WNT2B: variants seen among roughly 807,000 people sequenced by gnomAD.
WNT2B encodes Wnt family member 2B, also known as protein Wnt-2b.
A neutral mutation model predicts 40.5 loss-of-function variants in WNT2B; 19 were observed. The observed-to-expected ratio is 0.47, with a 90% CI of 0.33 to 0.69. The LOEUF is 0.69. WNT2B is among the 30% of genes least tolerant of loss of function. The probability of loss-of-function intolerance (pLI) is 0.02; values close to 1 mark genes in which losing one functional copy is unlikely to be tolerated. For synonymous variants in WNT2B, 220 were observed against 211.9 expected (o/e 1.04, Z -0.33); for missense variants, 467 against 556.4 (o/e 0.84, Z 1.62).
chr1:112,509,053 G>C lies in WNT2B; in HGVS notation c.-210G>C, dbSNP rs1652236474. ...GCAGCGCGCCCCAGACCCCGGGTTC[G>C]GCACGCCGTCGTCGGCTTCCGGACA... On this transcript the variant is annotated 5_prime_UTR_variant, in exon 1 of 5. Transcript: ENST00000369684. This position sits in a 1 kb window ranked among gnomAD's most constrained non-coding sequence, Gnocchi z 4.2. 5 of 1,354,262 alleles carry C rather than the reference G, an allele frequency of 3.7e-6. No homozygotes were observed. Among genetic ancestry groups the C allele is most frequent in the Admixed American group, 7.9e-5 (2 of 25,442 alleles). The allele number at this position is 1,354,262 out of a possible 1,614,324, so 83.9% of individuals were successfully genotyped here. A position where few individuals can be genotyped will look rare whatever the true frequency, so the allele number is the denominator to read the frequency against.
chr1:112,524,655 G>A lies in WNT2B; in HGVS notation c.*4146G>A, dbSNP rs1028706375. 1.3e-5 allele frequency: 2 copies of A among 152,536 alleles called. No individual in the cohort carries two copies. The highest frequency in any genetic ancestry group is 2.4e-5 in the African/African-American group (1 of 41,398). The allele number at this position is 152,536 out of a possible 1,614,324, so 9.4% of individuals were successfully genotyped here. On this transcript the variant is annotated 3_prime_UTR_variant, in exon 5 of 5. Coordinates refer to ENST00000369684, the MANE Select transcript of WNT2B (RefSeq NM_024494.3). The stretch of plus-strand genomic sequence containing the variant: ...CCACTTGGGAACTGCCTGCTACTAC[G>A]GGGGTTGGGCATCTTTGAAGCAATG...
chr1:112,497,621 C>T (rs927044044), intron 1 of WNT2B, among the ~76,000 whole-genome samples: 1 of 152,192 alleles, frequency 6.6e-6, no homozygotes, highest in Admixed American at 6.5e-5. Flanking sequence ...GTCATTCTCC[C>T]ATTGTCTTGA....
At position 112,523,696 on chromosome 1, in the gene WNT2B, A is replaced by T. The variant is rs748140274; in HGVS notation, c.*3187A>T. 5 of 152,108 alleles carry T rather than the reference A, an allele frequency of 3.3e-5. No homozygotes were observed. The highest frequency in any genetic ancestry group is 4.8e-5 in the African/African-American group (2 of 41,418). The allele number at this position is 152,108 out of a possible 1,614,324, so 9.4% of individuals were successfully genotyped here. ...CTTCCATTCCTTCCTGTTGGTACTC[A>T]TTTCTTCTAACTTTTAATAAACATT... On this transcript the variant is annotated 3_prime_UTR_variant, in exon 5 of 5. Transcript: ENST00000369684.
intron 1 of WNT2B, among the ~76,000 whole-genome samples, chr1:112,474,743 T>A (rs1651004202): frequency 6.6e-6 from 1 of 152,216 alleles, no homozygotes; most frequent in Non-Finnish European, 1.5e-5. Context: ...CGAATTGTGA[T>A]CTCCAATGTT....
At chr1:112,495,725 A>G (rs1340491639) in intron 1 of WNT2B, among the ~76,000 whole-genome samples, 3 of 152,266 alleles carry the variant, frequency 2.0e-5, no homozygotes, top group African/African-American at 4.8e-5. Flanking sequence ...ATAAGAAATC[A>G]AATATAAACA....
chr1:112,500,600 T>C (rs1162100462), intron 1 of WNT2B, among the ~76,000 whole-genome samples: 2 of 150,718 alleles, frequency 1.3e-5, no homozygotes, highest in Non-Finnish European at 3.0e-5. Context: ...TGAGACCCCG[T>C]CACTAAAAAA....
chr1:112,499,695 A>G (rs1651887638), intron 1 of WNT2B, among the ~76,000 whole-genome samples: 1 of 152,222 alleles, frequency 6.6e-6, no homozygotes, highest in Non-Finnish European at 1.5e-5. Flanking sequence ...TTTAATGTCA[A>G]ACTTACTAAA....
Position 112,509,498 on chromosome 1 carries a change from G to A in WNT2B, c.182+54G>A. The A allele has an allele frequency of 1.3e-6, 2 of 1,507,222 alleles. No homozygotes were observed. The highest frequency in any genetic ancestry group is 8.7e-7 in the Non-Finnish European group (1 of 1,145,616). The allele number at this position is 1,507,222 out of a possible 1,614,324, so 93.4% of individuals were successfully genotyped here. The stretch of plus-strand genomic sequence containing the variant: ...GAGGCGCTTGGTAGGAGAGGCCGGA[G>A]GCGCCTGGAGGGACTGGCTGCTCAC... On this transcript the variant is annotated intron_variant, in intron 1 of 4. Coordinates refer to ENST00000369684, the MANE Select transcript of WNT2B (RefSeq NM_024494.3). This position sits in a 1 kb window ranked among gnomAD's most constrained non-coding sequence, Gnocchi z 4.2.
Position 112,517,315 on chromosome 1 carries a change from C to T in WNT2B, c.876C>T (p.Arg292=), listed in dbSNP as rs750183746. 22 of 1,614,074 alleles carry T rather than the reference C, an allele frequency of 1.4e-5. No homozygotes were observed. Among genetic ancestry groups the T allele is most frequent in the Non-Finnish European group, 1.8e-5 (21 of 1,180,016 alleles). ...TCACCGCAGCCCGCCAAGGCTATCG[C>T]CGTGCCACCCGGACTGATCTTGTCT... ...ANFTAARQGY[R]RATRTDLVYF... The change falls in exon 4 of 5, where the codon CGC becomes CGT. Residue 292 remains arginine, a synonymous_variant. Transcript: ENST00000369684.
At chr1:112,473,707 T>A (rs1650962392) in intron 1 of WNT2B, among the ~76,000 whole-genome samples, 1 of 151,176 alleles carries the variant, frequency 6.6e-6, no homozygotes, top group African/African-American at 2.4e-5. Context: ...AATTCACAGA[T>A]ACAAAAAAAG....
chr1:112,517,096 C>A, intron 3 of WNT2B, 25 bp from the exon 4 acceptor site: 1 of 1,601,942 alleles, frequency 6.2e-7, no homozygotes, highest in South Asian at 1.1e-5. Context: ...CTACTTCTCC[C>A]TTAACTGCCT....
rs1182765072 is a variant in WNT2B, at chr1:112,515,597, G to A, written c.403+503G>A. Among the ~76,000 whole-genome samples, 1 of 152,222 alleles carries A rather than the reference G, an allele frequency of 6.6e-6. No homozygotes were observed. The highest frequency in any genetic ancestry group is 6.5e-5 in the Admixed American group (1 of 15,286). On this transcript the variant is annotated intron_variant, in intron 2 of 4. Coordinates refer to ENST00000369684, the MANE Select transcript of WNT2B (RefSeq NM_024494.3). This position sits in a 1 kb window ranked among gnomAD's most constrained non-coding sequence, Gnocchi z 4.4. ...GCTAGACAGTAAACTAGGAGAAAGG[G>A]AACAAGATGGGAATCTGGAGGTGTC...
Position 112,468,056 on chromosome 1 carries a change from C to G in WNT2B, c.-95+465C>G, listed in dbSNP as rs533477380. On this transcript the variant is annotated intron_variant, in intron 1 of 4. Transcript: ENST00000256640. The stretch of plus-strand genomic sequence containing the variant: ...GCTCCCACATATGAGTAAGAACATG[C>G]AGCATTTGTCTTTCTGTGCCTGGCT... Among the ~76,000 whole-genome samples the G allele has an allele frequency of 5.9e-5, 9 of 152,278 alleles. No homozygotes were observed. The South Asian group carries it at 1.7e-3, about 28-fold the overall frequency.
At chr1:112,493,386 G>T (rs1176924431) in intron 1 of WNT2B, among the ~76,000 whole-genome samples, 1 of 152,168 alleles carries the variant, frequency 6.6e-6, no homozygotes, top group East Asian at 1.9e-4. Flanking sequence ...ACTTCAGGAG[G>T]CTGGGAGGAT....
chr1:112,474,624 T>C (rs187282159), intron 1 of WNT2B, among the ~76,000 whole-genome samples: 59 of 152,220 alleles, frequency 3.9e-4, no homozygotes, highest in Admixed American at 3.9e-4. Context: ...CCAGTGAAAA[T>C]ACCTTTCAAA....
chr1:112,483,902 T>G (rs1651315140), intron 1 of WNT2B, among the ~76,000 whole-genome samples: 1 of 150,720 alleles, frequency 6.6e-6, no homozygotes, highest in Admixed American at 6.6e-5. Flanking sequence ...AATAAGTATA[T>G]GAAATCATCG....
chr1:112,520,484 A>C lies in WNT2B; in HGVS notation c.1151A>C (p.Lys384Thr). The C allele has an allele frequency of 1.9e-6, 3 of 1,614,152 alleles. No homozygotes were observed. The highest frequency in any genetic ancestry group is 2.5e-6 in the Non-Finnish European group (3 of 1,180,034). ...VDVHTCKAPK[K>T]AEWLDQT ...GTCCATACTTGCAAAGCCCCCAAGA[A>C]GGCAGAGTGGCTGGACCAAACCTGA... Residue 384 changes from lysine (K) to threonine (T), a missense_variant, in exon 5 of 5, where the codon AAG becomes ACG. By Grantham distance (78) the Lys-to-Thr change is moderately conservative. Around this residue, in one of 2 missense-constraint regions of WNT2B, gnomAD observed 330 missense variants for 438.6 expected, o/e 0.75. Coordinates refer to ENST00000369684, the MANE Select transcript of WNT2B (RefSeq NM_024494.3).
intron 1 of WNT2B, among the ~76,000 whole-genome samples, chr1:112,513,590 T>C (rs1211346174): frequency 6.6e-6 from 1 of 152,096 alleles, no homozygotes; most frequent in Non-Finnish European, 1.5e-5. Flanking sequence ...GTCTAGCTTT[T>C]CCCCTCCCCA....
rs1438699012 is a variant in WNT2B, at chr1:112,514,926, G to A, written c.235G>A (p.Val79Met). The A allele has an allele frequency of 6.2e-7, 1 of 1,614,238 alleles. No homozygotes were observed. Among genetic ancestry groups the A allele is most frequent in the Non-Finnish European group, 8.5e-7 (1 of 1,180,042 alleles). ...RVICDNIPGLVSRQRQLCQRY... is the reference protein window; with the variant it reads ...RVICDNIPGLMSRQRQLCQRY... ...GATCTGTGACAATATCCCTGGTTTG[G>A]TGAGCCGGCAGCGGCAGCTGTGCCA... Residue 79 changes from valine to methionine, a missense_variant, in exon 2 of 5, where the codon GTG (valine) becomes ATG (methionine). Val to Met is a conservative substitution (Grantham distance 21). Transcript: ENST00000369684.
Sources: allele counts gnomAD v4.1 joint callset (sites outside exome capture counted in the v4.1 genomes callset), GRCh38; gene constraint gnomAD v4.1.1; regional missense constraint gnomAD v4.1.1; non-coding constraint Gnocchi (gnomAD v3.1); transcripts MANE v1.5; gene names NCBI Gene and HGNC (gene_info 2026-07-23, HGNC 2026-07-21).